Variants in ABL1 observed in about 807,000 individuals in gnomAD.
ABL1 encodes the protein ABL proto-oncogene 1, non-receptor tyrosine kinase.
In ABL1, 11 loss-of-function variants were observed where a neutral mutation model predicts 94.7. That is an observed-to-expected ratio of 0.12 (90% CI 0.07 to 0.19). The LOEUF (loss-of-function observed/expected upper bound fraction) is 0.19, where lower values mean the gene tolerates loss of function less well. ABL1 is among the 10% of genes least tolerant of loss of function. ABL1 has a pLI of 1.00. For missense variants in ABL1, 1,082 were observed against 1,489.4 expected (o/e 0.73, Z 4.50); for synonymous variants, 656 against 622.4 (o/e 1.05, Z -0.80).
intron 1 of ABL1, among the ~76,000 whole-genome samples, chr9:130,772,570 G>T (rs977580425): frequency 6.6e-6 from 1 of 152,186 alleles, no homozygotes; most frequent in Non-Finnish European, 1.5e-5. Flanking sequence ...AGTGGTTTTT[G>T]GTGGGAGAAG....
chr9:130,734,208 A>G (rs1223196635), intron 1 of ABL1, among the ~76,000 whole-genome samples: 1 of 144,106 alleles, frequency 6.9e-6, no homozygotes, highest in Non-Finnish European at 1.5e-5. Flanking sequence ...TTAATACTCT[A>G]TTGAATATTC....
chr9:130,770,894 GTC>G (rs1832243634), intron 1 of ABL1, among the ~76,000 whole-genome samples: 1 of 152,106 alleles, frequency 6.6e-6, no homozygotes, highest in South Asian at 2.1e-4. Flanking sequence ...CCGACTCTGG[GTC>G]TCACTTACTA....
chr9:130,832,410 C>A (rs961213774), upstream of ABL1, among the ~76,000 whole-genome samples: 18 of 151,972 alleles, frequency 1.2e-4, no homozygotes, highest in African/African-American at 3.4e-4. Context: ...GTTAATGTTA[C>A]TTATTTCATC....
intron 1 of ABL1, among the ~76,000 whole-genome samples, chr9:130,763,748 G>A (rs1305414081): frequency 2.0e-5 from 3 of 152,228 alleles, no homozygotes; most frequent in South Asian, 2.1e-4. Flanking sequence ...CAAGGCAGAA[G>A]TGACATGTCT....
chr9:130,867,819 G>A (rs901490131), intron 4 of ABL1, among the ~76,000 whole-genome samples: 1 of 152,230 alleles, frequency 6.6e-6, no homozygotes, highest in African/African-American at 2.4e-5. Flanking sequence ...TCTGGCCAGG[G>A]AGATGAGTTC....
At chr9:130,873,109 C>G (rs916721848) in intron 6 of ABL1, 72 bp downstream of exon 6, 15 of 1,508,400 alleles carry the variant, frequency 9.9e-6, no homozygotes, top group Non-Finnish European at 1.3e-5. Flanking sequence ...TTACAAAAAG[C>G]CCCAGCCTAG....
intron 1 of ABL1, among the ~76,000 whole-genome samples, chr9:130,732,065 C>T (rs1831673386): frequency 6.6e-6 from 1 of 151,640 alleles, no homozygotes; most frequent in African/African-American, 2.4e-5. Context: ...AGTACTTGTC[C>T]CTTGATAGTG....
upstream of ABL1, among the ~76,000 whole-genome samples, chr9:130,830,456 A>G (rs563303847): frequency 1.8e-4 from 27 of 152,244 alleles, no homozygotes; most frequent in African/African-American, 6.3e-4. Context: ...TTGCTTTAGG[A>G]TGAAAGGTGG....
chr9:130,872,275 G>T lies in ABL1; in HGVS notation c.907+62G>T. The T allele has an allele frequency of 6.7e-7, 1 of 1,495,594 alleles. No individual in the cohort carries two copies. Among genetic ancestry groups the T allele is most frequent in the Non-Finnish European group, 9.2e-7 (1 of 1,083,370 alleles). 92.6% of individuals were successfully genotyped at this position (1,495,594 alleles called of 1,614,324 possible). ...GCCGCACCCCCAGGGTGACACAGGC[G>T]CTGGGGAAGACGCACGGGCGGCTCA... On this transcript the variant is annotated intron_variant, in intron 5 of 10. Transcript: ENST00000318560. The surrounding 1 kb of genome is among the most constrained non-coding windows in gnomAD (Gnocchi z 5.0).
chr9:130,850,132 C>A (rs1036574665), intron 1 of ABL1, among the ~76,000 whole-genome samples: 2 of 152,188 alleles, frequency 1.3e-5, no homozygotes, highest in African/African-American at 4.8e-5. Context: ...TCCACAAGAG[C>A]CAGTCATGTT....
Position 130,885,735 on chromosome 9 carries a change from C to T in ABL1, c.*52C>T, listed in dbSNP as rs776975973. 2.1e-5 allele frequency: 33 copies of T among 1,559,798 alleles called. No individual in the cohort carries two copies. The highest frequency in any genetic ancestry group is 1.1e-4 in the Admixed American group (6 of 55,126). On this transcript the variant is annotated 3_prime_UTR_variant, in exon 11 of 11. Transcript: ENST00000318560. ...CCGTCGGAGCTGCCTGCAGCACATG[C>T]GGGCTCGCCCATACCCGTGACAGTG...
chr9:130,850,880 G>T (rs1376012122), intron 1 of ABL1, among the ~76,000 whole-genome samples: 5 of 152,040 alleles, frequency 3.3e-5, no homozygotes, highest in Admixed American at 3.3e-4. Flanking sequence ...CACTAAATGG[G>T]GGTGGGGATC....
intron 1 of ABL1, among the ~76,000 whole-genome samples, chr9:130,799,723 C>A (rs7037741): frequency 0.23 from 35,041 of 151,850 alleles, 5,074 homozygotes; most frequent in African/African-American, 0.42. Context: ...TTATAAGTAC[C>A]ATATAATTGA....
chr9:130,750,644 C>CTTTTTTTTTTTTTTTTTTTT (rs71389345), intron 1 of ABL1, among the ~76,000 whole-genome samples: 20 of 87,284 alleles, frequency 2.3e-4, no homozygotes, highest in East Asian at 7.3e-4. Flanking sequence ...CTTTTTCTTT[C>CTTTTTTTTTTTTTTTTTTTT]TTTTTTTTTT....
chr9:130,757,912 T>A (rs896618097), intron 1 of ABL1, among the ~76,000 whole-genome samples: 1 of 152,084 alleles, frequency 6.6e-6, no homozygotes, highest in African/African-American at 2.4e-5. Context: ...ACGAGAAAGT[T>A]GATGAAGATT....
At chr9:130,787,815 C>G (rs554368373) in intron 1 of ABL1, among the ~76,000 whole-genome samples, 1 of 152,330 alleles carries the variant, frequency 6.6e-6, no homozygotes, top group Non-Finnish European at 1.5e-5. Context: ...ACATGGCAGC[C>G]TCATCTTCCT....
rs1446134752 is a variant in ABL1 at position 130,885,618 on chromosome 9, G to A, written c.3328G>A (p.Ala1110Thr). Residue 1110 changes from alanine (A) to threonine (T), a missense_variant, in exon 11 of 11, where the codon GCC becomes ACC. By Grantham distance (58) the Ala-to-Thr change is moderately conservative. Coordinates refer to ENST00000318560, the MANE Select transcript of ABL1 (RefSeq NM_005157.6). ...GGCGACAGCAGGCAGTGGTCCAGCG[G>A]CCACTCAGGACTTCAGCAAGCTCCT... ...CPATAGSGPA[A>T]TQDFSKLLSS... is the part of the protein sequence containing the mutation. 1.2e-6 allele frequency: 2 copies of A among 1,613,264 alleles called. No homozygotes were observed. The highest frequency in any genetic ancestry group is 1.7e-6 in the Non-Finnish European group (2 of 1,179,894).
At chr9:130,733,837 G>A (rs575504205) in intron 1 of ABL1, among the ~76,000 whole-genome samples, 33 of 152,152 alleles carry the variant, frequency 2.2e-4, no homozygotes, top group African/African-American at 6.5e-4. Flanking sequence ...TGATCCGCCC[G>A]CCTCGGCCTC....
rs7856784 is a variant in ABL1 at position 130,862,687 on chromosome 9, C to T, written c.550-76C>T. On this transcript the variant is annotated intron_variant, in intron 3 of 10. Transcript: ENST00000318560. This position sits in a 1 kb window ranked among gnomAD's most constrained non-coding sequence, Gnocchi z 5.5. The stretch of plus-strand genomic sequence containing the variant: ...TTTTGCTGTGTAGTGAATTAAGGCT[C>T]AGCCAAACTGGCTCACGTGAGCTCT... The T allele has an allele frequency of 2.3e-3, 3,543 of 1,533,148 alleles. 49 individuals carry two copies. The African/African-American group carries it at 0.033, about 14-fold the overall frequency. 95.0% of individuals were successfully genotyped at this position (1,533,148 alleles called of 1,614,324 possible).
Sources: allele counts gnomAD v4.1 joint callset (sites outside exome capture counted in the v4.1 genomes callset), GRCh38; gene constraint gnomAD v4.1.1; non-coding constraint Gnocchi (gnomAD v3.1); transcripts MANE v1.5; gene names NCBI Gene and HGNC (gene_info 2026-07-23, HGNC 2026-07-21).